Variants in RBFOX1 observed in about 807,000 individuals in gnomAD.
RBFOX1 encodes RNA binding fox-1 homolog 1, also known as RNA binding protein fox-1 homolog 1.
In RBFOX1, 8 loss-of-function variants were observed where a neutral mutation model predicts 57.7. The ratio of observed to expected loss-of-function variants is 0.14; its 90% confidence interval spans 0.08 to 0.25. The LOEUF (loss-of-function observed/expected upper bound fraction) is 0.25, where lower values mean the gene tolerates loss of function less well. Ranked by LOEUF, RBFOX1 falls within the 10% of genes least tolerant of loss-of-function variation. RBFOX1 has a pLI of 1.00. For missense variants in RBFOX1, 611 were observed against 548.5 expected, an observed-to-expected ratio of 1.11 and a Z score of -1.14; for synonymous variants, 326 against 222.4, an observed-to-expected ratio of 1.47 and a Z score of -4.15.
chr16:6,733,012 G>A (rs537967547), intron 3 of RBFOX1, among the ~76,000 whole-genome samples: 2 of 152,086 alleles, frequency 1.3e-5, no homozygotes, highest in African/African-American at 2.4e-5. Context: ...TTTTTTAAAG[G>A]TTAGGTACAT....
chr16:7,630,811 T>C (rs1568185391), intron 11 of RBFOX1, 128 bp downstream of exon 11: 1 of 1,471,840 alleles, frequency 6.8e-7, no homozygotes, highest in Admixed American at 2.6e-5. Context: ...TGAGGTGAAG[T>C]TAATTTTCAT....
chr16:7,045,144 G>A (rs964763571), intron 3 of RBFOX1, among the ~76,000 whole-genome samples: 1 of 152,180 alleles, frequency 6.6e-6, no homozygotes, highest in Admixed American at 6.5e-5. Flanking sequence ...CTCATGAGAT[G>A]TGTATGTCAC....
intron 2 of RBFOX1, among the ~76,000 whole-genome samples, chr16:6,434,284 G>A (rs1308734705): frequency 6.6e-6 from 1 of 152,158 alleles, no homozygotes; most frequent in Non-Finnish European, 1.5e-5. Context: ...AGGTTCTGGA[G>A]ATGAGGACAT....
intron 3 of RBFOX1, among the ~76,000 whole-genome samples, chr16:7,044,775 G>T (rs2047338586): frequency 6.6e-6 from 1 of 152,056 alleles, no homozygotes; most frequent in African/African-American, 2.4e-5. Flanking sequence ...ATTTTTCAAG[G>T]CTAGCTTTTA....
intron 3 of RBFOX1, among the ~76,000 whole-genome samples, chr16:7,020,238 T>C (rs963737364): frequency 6.6e-6 from 1 of 152,152 alleles, no homozygotes; most frequent in Non-Finnish European, 1.5e-5. Context: ...TTATTTCCTC[T>C]TTTTTTAGAC....
chr16:5,635,014 C>G (rs1459308481), intron 3 of RBFOX1, among the ~76,000 whole-genome samples: 2 of 152,112 alleles, frequency 1.3e-5, no homozygotes, highest in Non-Finnish European at 2.9e-5. Context: ...GTCATGTGAT[C>G]AGGGTCAGGC....
intron 3 of RBFOX1, among the ~76,000 whole-genome samples, chr16:6,746,874 C>T (rs962577296): frequency 6.6e-6 from 1 of 152,046 alleles, no homozygotes; most frequent in Non-Finnish European, 1.5e-5. Context: ...ATGTTGATGT[C>T]CAGTTCATAG....
At chr16:7,001,410 A>G (rs796735561) in intron 3 of RBFOX1, among the ~76,000 whole-genome samples, 88 of 112,046 alleles carry the variant, frequency 7.9e-4, no homozygotes, top group African/African-American at 2.8e-3. Context: ...GTATATGTAT[A>G]TGTATATGTA....
chr16:6,561,246 G>T (rs1202882443), intron 2 of RBFOX1, among the ~76,000 whole-genome samples: 1 of 152,124 alleles, frequency 6.6e-6, no homozygotes, highest in Non-Finnish European at 1.5e-5. Flanking sequence ...ATTCACGGGG[G>T]CAGGGGCTGT....
intron 3 of RBFOX1, among the ~76,000 whole-genome samples, chr16:5,824,811 A>C (rs541385717): frequency 6.6e-6 from 1 of 152,262 alleles, no homozygotes; most frequent in South Asian, 2.1e-4. Flanking sequence ...AGTATCTAGA[A>C]GGGAACCCTG....
intron 4 of RBFOX1, among the ~76,000 whole-genome samples, chr16:7,485,546 G>T (rs1039110031): frequency 1.8e-4 from 28 of 152,078 alleles, no homozygotes; most frequent in African/African-American, 6.5e-4. Context: ...CCTTTGTCTT[G>T]GGCTGAAGCA....
chr16:6,872,115 G>A (rs1603634897), intron 3 of RBFOX1, among the ~76,000 whole-genome samples: 1 of 152,172 alleles, frequency 6.6e-6, no homozygotes, highest in Non-Finnish European at 1.5e-5. Flanking sequence ...TACCTGTTAT[G>A]TTTTAATATG....
intron 5 of RBFOX1, among the ~76,000 whole-genome samples, chr16:7,559,752 A>T (rs1381324060): frequency 6.6e-6 from 1 of 152,018 alleles, no homozygotes; most frequent in Non-Finnish European, 1.5e-5. Flanking sequence ...CTTTTCATCT[A>T]CCCTCCTTAG....
chr16:7,297,207 A>G (rs532788620), intron 4 of RBFOX1, among the ~76,000 whole-genome samples: 8 of 152,324 alleles, frequency 5.3e-5, no homozygotes, highest in African/African-American at 1.9e-4. Context: ...AAAAAGGACA[A>G]ACTTATTTTC....
intron 3 of RBFOX1, among the ~76,000 whole-genome samples, chr16:6,924,827 C>A (rs2075230715): frequency 1.4e-5 from 1 of 70,494 alleles, no homozygotes; most frequent in Admixed American, 1.4e-4. Flanking sequence ...GCTATCCCTC[C>A]CCCCTCCCCC....
intron 3 of RBFOX1, among the ~76,000 whole-genome samples, chr16:5,741,747 A>T (rs2052775459): frequency 6.6e-6 from 1 of 152,228 alleles, no homozygotes; most frequent in South Asian, 2.1e-4. Flanking sequence ...TTCCACAAGG[A>T]CGTATTTTAT....
At chr16:7,110,539 T>C (rs550547907) in intron 4 of RBFOX1, among the ~76,000 whole-genome samples, 1 of 152,176 alleles carries the variant, frequency 6.6e-6, no homozygotes, top group African/African-American at 2.4e-5. Context: ...AACAATAAAA[T>C]CTAAGAACTT....
chr16:6,597,083 T>C (rs2097783456), intron 2 of RBFOX1, among the ~76,000 whole-genome samples: 1 of 152,166 alleles, frequency 6.6e-6, no homozygotes, highest in African/African-American at 2.4e-5. Flanking sequence ...TGACTGCAGC[T>C]AGAATTGCTG....
chr16:7,061,518 A>G (rs1201247460), intron 4 of RBFOX1, among the ~76,000 whole-genome samples: 3 of 152,178 alleles, frequency 2.0e-5, no homozygotes, highest in Admixed American at 2.0e-4. Flanking sequence ...CATATATGTT[A>G]ATTAATTCTT....
Sources: gnomAD v4.1 joint callset for allele counts (sites outside exome capture counted in the v4.1 genomes callset) on GRCh38, gnomAD v4.1.1 for gene constraint, MANE v1.5 for transcripts, NCBI Gene and HGNC (gene_info 2026-07-23, HGNC 2026-07-21) for gene names.